The following GPC5 variants were observed in gnomAD, a reference collection of about 807,000 sequenced individuals.
GPC5 encodes glypican 5, also known as glypican-5.
A neutral mutation model predicts 53.9 loss-of-function variants in GPC5; 47 were observed. That is an observed-to-expected ratio of 0.87 (90% CI 0.69 to 1.11). The LOEUF (loss-of-function observed/expected upper bound fraction) is 1.11, where lower values mean the gene tolerates loss of function less well. GPC5 is among the 50% of genes most tolerant of loss of function. The pLI is 0.00. For missense variants in GPC5, 748 were observed against 713.1 expected, an observed-to-expected ratio of 1.05 and a Z score of -0.56; for synonymous variants, 286 against 263.3, an observed-to-expected ratio of 1.09 and a Z score of -0.84.
intron 7 of GPC5, among the ~76,000 whole-genome samples, chr13:92,455,891 G>A (rs1248685070): frequency 1.3e-5 from 2 of 152,140 alleles, no homozygotes; most frequent in Non-Finnish European, 2.9e-5. Flanking sequence ...ATCAAAAAAC[G>A]TGTCTCTTTT....
chr13:92,839,456 C>G (rs566805875), intron 7 of GPC5, among the ~76,000 whole-genome samples: 18 of 152,186 alleles, frequency 1.2e-4, no homozygotes, highest in Middle Eastern at 3.4e-3. Flanking sequence ...CTCCTTCCAC[C>G]CTCCACCCTG....
At chr13:92,163,894 G>C (rs2042008800) in intron 7 of GPC5, among the ~76,000 whole-genome samples, 1 of 152,168 alleles carries the variant, frequency 6.6e-6, no homozygotes, top group Admixed American at 6.5e-5. Flanking sequence ...GGCTAGAGAG[G>C]CTTCAGGAAA....
intron 7 of GPC5, among the ~76,000 whole-genome samples, chr13:92,381,851 A>ATG (rs2139307571): frequency 3.1e-5 from 1 of 32,584 alleles, no homozygotes; most frequent in East Asian, 1.2e-3. Context: ...GTATATGATC[A>ATG]TATATGATTA....
intron 4 of GPC5, among the ~76,000 whole-genome samples, chr13:91,749,342 G>C (rs1036976663): frequency 4.6e-5 from 7 of 152,158 alleles, no homozygotes; most frequent in Non-Finnish European, 8.8e-5. Flanking sequence ...CAATGTTGCT[G>C]TAAAAGACAT....
Position 91,693,842 on chromosome 13 carries a change from G to GTTACAGGCTCACCTC in GPC5, c.982_996dup (p.Leu328_Leu332dup), listed in dbSNP as rs2035820612. The GTTACAGGCTCACCTC allele has an allele frequency of 6.2e-7, 1 of 1,608,100 alleles. No individual in the cohort carries two copies. Among genetic ancestry groups the GTTACAGGCTCACCTC allele is most frequent in the African/African-American group, 1.3e-5 (1 of 74,890 alleles). The stretch of plus-strand genomic sequence containing the variant: ...TTCACTTGCTTGTTAATGATGCTGT[G>GTTACAGGCTCACCTC]TTACAGGCTCACCTCAATGGACAAA... On this transcript the variant is annotated inframe_insertion, in exon 3 of 8. Transcript: ENST00000377067.
chr13:91,660,866 C>A (rs114794931), intron 2 of GPC5, among the ~76,000 whole-genome samples: 2 of 152,084 alleles, frequency 1.3e-5, no homozygotes, highest in Non-Finnish European at 2.9e-5. Flanking sequence ...TTTACCCCAC[C>A]CACTGGCTAA....
intron 2 of GPC5, among the ~76,000 whole-genome samples, chr13:91,627,406 G>T (rs1023037480): frequency 6.6e-6 from 1 of 151,800 alleles, no homozygotes; most frequent in Non-Finnish European, 1.5e-5. Flanking sequence ...ACTGTTGGTG[G>T]GACTGTAAAC....
chr13:92,194,791 A>C (rs902550326), intron 7 of GPC5, among the ~76,000 whole-genome samples: 4 of 152,216 alleles, frequency 2.6e-5, no homozygotes. Context: ...TTTCACTTCC[A>C]ATGGTCTTTC....
chr13:91,693,626 G>T lies in GPC5; in HGVS notation c.765G>T (p.Met255Ile). ...SKECSRALLK[M>I]QYCPHCQGLA... is the part of the protein sequence containing the mutation. ...AGTGCAGCAGAGCCCTCCTGAAGAT[G>T]CAATACTGCCCGCACTGCCAAGGCC... Residue 255 changes from methionine to isoleucine, a missense_variant, in exon 3 of 8, where the codon ATG becomes ATT. Transcript: ENST00000377067. The T allele has an allele frequency of 6.2e-7, 1 of 1,614,154 alleles. No individual in the cohort carries two copies. The highest frequency in any genetic ancestry group is 1.3e-5 in the African/African-American group (1 of 75,060).
intron 7 of GPC5, among the ~76,000 whole-genome samples, chr13:92,303,094 T>C (rs1010974079): frequency 1.3e-5 from 2 of 152,282 alleles, no homozygotes; most frequent in East Asian, 1.9e-4. Context: ...ATTGTTTTTT[T>C]CCCCCCTATG....
intron 7 of GPC5, among the ~76,000 whole-genome samples, chr13:92,604,772 T>C (rs1018685675): frequency 1.5e-4 from 23 of 152,350 alleles, no homozygotes; most frequent in African/African-American, 5.3e-4. Context: ...ACATAGATGA[T>C]GTCCATTACT....
intron 5 of GPC5, among the ~76,000 whole-genome samples, chr13:91,775,821 T>G (rs2037702936): frequency 6.6e-6 from 1 of 152,210 alleles, no homozygotes; most frequent in African/African-American, 2.4e-5. Context: ...GTCCCAGGTT[T>G]CATCTAAGTG....
At chr13:92,279,058 G>A (rs1476319600) in intron 7 of GPC5, among the ~76,000 whole-genome samples, 1 of 151,970 alleles carries the variant, frequency 6.6e-6, no homozygotes. Context: ...ATTTCTGCAA[G>A]AAGGGCCATT....
intron 2 of GPC5, among the ~76,000 whole-genome samples, chr13:91,675,899 C>T (rs766151519): frequency 3.3e-5 from 5 of 152,072 alleles, no homozygotes; most frequent in African/African-American, 1.2e-4. Flanking sequence ...GAAAGAACAT[C>T]GAATATCTCA....
chr13:92,116,279 AAAAAC>A (rs913067288), intron 6 of GPC5, among the ~76,000 whole-genome samples: 72 of 151,764 alleles, frequency 4.7e-4, no homozygotes, highest in Non-Finnish European at 8.5e-4. Flanking sequence ...ACAAAAAAAA[AAAAAC>A]AGTGCAGGCA....
intron 7 of GPC5, among the ~76,000 whole-genome samples, chr13:92,764,950 A>G (rs1299303628): frequency 6.6e-6 from 1 of 152,200 alleles, no homozygotes; most frequent in Non-Finnish European, 1.5e-5. Context: ...TGAATTTAAT[A>G]TGTCAAGACT....
In GPC5 at chr13:92,632,485, T is replaced by TATATATACAC. The variant is rs138355646; in HGVS notation, c.1562-233796_1562-233795insTATATACACA. On this transcript the variant is annotated intron_variant, in intron 7 of 7. Coordinates refer to ENST00000377067, the MANE Select transcript of GPC5 (RefSeq NM_004466.6). Reference sequence around the variant, plus strand: ...CCACATATATATATATATATATATATACACATATATATATGCACACACACA... The same window carrying TATATATACAC: ...CCACATATATATATATATATATATATATATATACACACACATATATATATGCACACACACA... Among the ~76,000 whole-genome samples, 36 of 137,666 alleles carry TATATATACAC rather than the reference T, an allele frequency of 2.6e-4. 1 individual carries two copies. Among genetic ancestry groups the TATATATACAC allele is most frequent in the Non-Finnish European group, 3.6e-4 (23 of 64,584 alleles). 90.3% of individuals were successfully genotyped at this position (137,666 alleles called of 152,430 possible).
At chr13:92,121,881 G>T (rs1334186036) in intron 6 of GPC5, among the ~76,000 whole-genome samples, 1 of 152,082 alleles carries the variant, frequency 6.6e-6, no homozygotes, top group Non-Finnish European at 1.5e-5. Flanking sequence ...AAATTTATTT[G>T]CTTATAAAAT....
rs182818287 is a variant in GPC5 at position 92,717,232 on chromosome 13, G to A, written c.1562-149050G>A. ...ACATTCAAAGAGATGGTATCAATGTGTTATCTTCCATTGACAAGAATCCAG... is the reference window on the plus strand; with the variant it reads ...ACATTCAAAGAGATGGTATCAATGTATTATCTTCCATTGACAAGAATCCAG... On this transcript the variant is annotated intron_variant, in intron 7 of 7. Transcript: ENST00000377067. Among the ~76,000 whole-genome samples the A allele has an allele frequency of 1.6e-4, 25 of 152,152 alleles. 1 individual carries two copies. Among genetic ancestry groups the A allele is most frequent in the Admixed American group, 1.4e-3 (22 of 15,276 alleles).
Sources: allele counts gnomAD v4.1 joint callset (sites outside exome capture counted in the v4.1 genomes callset), GRCh38; gene constraint gnomAD v4.1.1; transcripts MANE v1.5; gene names NCBI Gene and HGNC (gene_info 2026-07-23, HGNC 2026-07-21).